LHX8: variants seen among roughly 807,000 people sequenced by gnomAD.
LHX8 encodes LIM homeobox 8.
Under a neutral mutation model 40.3 loss-of-function variants are expected in LHX8, and 12 were observed. The observed-to-expected ratio is 0.30, with a 90% CI of 0.19 to 0.48. The LOEUF is 0.48. Ranked by LOEUF, LHX8 falls within the 20% of genes least tolerant of loss-of-function variation. The pLI is 0.99. For synonymous variants in LHX8, 179 were observed against 162.0 expected (o/e 1.10, Z -0.80); for missense variants, 344 against 433.7 (o/e 0.79, Z 1.84).
downstream of LHX8, chr1:75,161,559 C>T (rs1648919216): frequency 6.6e-6 from 1 of 151,888 alleles, no homozygotes; most frequent in African/African-American, 2.4e-5. Context: ...TGTGTGTTTT[C>T]AGCAGTAAGT....
At chr1:75,184,861 C>G in the LHX8 span, among the ~76,000 whole-genome samples, 2 of 147,498 alleles carry the variant, frequency 1.4e-5, no homozygotes, top group East Asian at 3.9e-4. Flanking sequence ...AGGCCATTAG[C>G]TAAACTAATA....
chr1:75,171,141 C>T, the LHX8 span, among the ~76,000 whole-genome samples: 1 of 152,034 alleles, frequency 6.6e-6, no homozygotes, highest in Admixed American at 6.6e-5. Context: ...CCTGGCAGGT[C>T]AAAAAGTTAG....
At chr1:75,144,303 C>T (rs751993300) in intron 6 of LHX8, among the ~76,000 whole-genome samples, 1 of 152,096 alleles carries the variant, frequency 6.6e-6, no homozygotes, top group Non-Finnish European at 1.5e-5. Flanking sequence ...TATTTTGAGA[C>T]TCTGAAGAGA....
chr1:75,175,381 A>G, the LHX8 span, among the ~76,000 whole-genome samples: 5 of 152,208 alleles, frequency 3.3e-5, no homozygotes, highest in African/African-American at 1.2e-4. Flanking sequence ...AGGAGTCTCC[A>G]TACTGTTTTC....
At chr1:75,149,201 G>C (rs1366360967) in intron 7 of LHX8, among the ~76,000 whole-genome samples, 1 of 152,236 alleles carries the variant, frequency 6.6e-6, no homozygotes, top group Non-Finnish European at 1.5e-5. Flanking sequence ...AAGATCCAGG[G>C]AGAGGAACTG....
chr1:75,169,655 T>G, the LHX8 span, among the ~76,000 whole-genome samples: 3 of 152,218 alleles, frequency 2.0e-5, no homozygotes, highest in African/African-American at 7.2e-5. Flanking sequence ...AGTAGAAATA[T>G]TTAAACTATC....
chr1:75,159,995 G>A (rs1422687604), intron 8 of LHX8: 1 of 152,122 alleles, frequency 6.6e-6, no homozygotes, highest in Non-Finnish European at 1.5e-5. Flanking sequence ...CCTCTTCAGC[G>A]GGCCCTGCTC....
At chr1:75,136,949 A>C in intron 2 of LHX8, 151 bp from the exon 3 acceptor site, 2 of 844,758 alleles carry the variant, frequency 2.4e-6, no homozygotes, top group Non-Finnish European at 3.4e-6. Flanking sequence ...GACTCGGGGA[A>C]GAGGGCGAGA....
In LHX8 at chr1:75,156,233, T is replaced by C. The variant is rs1648762433; in HGVS notation, c.781-660T>C. On this transcript the variant is annotated intron_variant, in intron 7 of 8. Transcript: ENST00000356261. ...GCTTTGTTGTTGTTGTTGTTGTTGT[T>C]GTTTTGTTTTGTTTTGTTTTGTTTT... Among the ~76,000 whole-genome samples the C allele has an allele frequency of 2.3e-5, 3 of 131,362 alleles. No homozygotes were observed. In the South Asian group the frequency reaches 7.0e-4, roughly 31 times the overall value. 86.2% of individuals were successfully genotyped at this position (131,362 alleles called of 152,430 possible).
the LHX8 span, among the ~76,000 whole-genome samples, chr1:75,170,208 T>G: frequency 6.6e-6 from 1 of 152,154 alleles, no homozygotes; most frequent in Non-Finnish European, 1.5e-5. Flanking sequence ...ACCTGTGGAT[T>G]TTAGACCAGT....
At chr1:75,168,074 C>A in the LHX8 span, among the ~76,000 whole-genome samples, 1 of 152,212 alleles carries the variant, frequency 6.6e-6, no homozygotes, top group African/African-American at 2.4e-5. Context: ...TCTCGAATGG[C>A]TCCTCCCATT....
chr1:75,129,557 C>T (rs553397763), upstream of LHX8, among the ~76,000 whole-genome samples: 1 of 152,230 alleles, frequency 6.6e-6, no homozygotes, highest in South Asian at 2.1e-4. Context: ...GGCTCATTCA[C>T]CCTGGCTAAC....
the LHX8 span, among the ~76,000 whole-genome samples, chr1:75,196,139 A>AT: frequency 1.1e-4 from 16 of 151,168 alleles, no homozygotes; most frequent in East Asian, 1.9e-4. Flanking sequence ...ATCGAGTTGG[A>AT]TTTTTTTTTC....
At chr1:75,164,067 C>T (rs1648984290), downstream of LHX8, among the ~76,000 whole-genome samples, 1 of 152,100 alleles carries the variant, frequency 6.6e-6, no homozygotes, top group Admixed American at 6.6e-5. Context: ...TTATAGCAGC[C>T]TGAATGGACT....
chr1:75,155,565 A>G (rs1413431034), intron 7 of LHX8, among the ~76,000 whole-genome samples: 2 of 152,102 alleles, frequency 1.3e-5, no homozygotes, highest in Non-Finnish European at 2.9e-5. Flanking sequence ...GTCAAGTTTT[A>G]TCACCTGTCA....
rs762132343 is a variant in LHX8, at chr1:75,157,096, ACAGCTGTCTCC to A, written c.964+24_964+34del. The A allele has an allele frequency of 2.7e-5, 44 of 1,612,808 alleles. No homozygotes were observed. In the East Asian group the frequency reaches 9.8e-4, roughly 36 times the overall value. On this transcript the variant is annotated intron_variant, in intron 8 of 8. Coordinates refer to ENST00000356261, the MANE Select transcript of LHX8 (RefSeq NM_001256114.2). ...TGGATGGTAGGTATCCCAACATTTAACAGCTGTCTCCCAGGCAATCAGCAACTGGTAACTTC... is the reference window on the plus strand; with the variant it reads ...TGGATGGTAGGTATCCCAACATTTAACAGGCAATCAGCAACTGGTAACTTC...
chr1:75,159,323 A>G (rs1648853562), intron 8 of LHX8: 1 of 152,084 alleles, frequency 6.6e-6, no homozygotes, highest in Non-Finnish European at 1.5e-5. Flanking sequence ...TGTCTTGAAA[A>G]AGTTTTACCA....
the LHX8 span, among the ~76,000 whole-genome samples, chr1:75,178,003 C>A: frequency 1.0e-3 from 155 of 152,258 alleles, 3 homozygotes; most frequent in East Asian, 0.021. Flanking sequence ...GTTGAACCAG[C>A]CTTGCATCCC....
the LHX8 span, among the ~76,000 whole-genome samples, chr1:75,176,798 G>C: frequency 6.6e-6 from 1 of 152,154 alleles, no homozygotes; most frequent in East Asian, 1.9e-4. Flanking sequence ...GGGTTTTTAT[G>C]GTTTTTAGGT....
Sources: gnomAD v4.1 joint callset for allele counts (sites outside exome capture counted in the v4.1 genomes callset) on GRCh38, gnomAD v4.1.1 for gene constraint, MANE v1.5 for transcripts, NCBI Gene and HGNC (gene_info 2026-07-23, HGNC 2026-07-21) for gene names.